The following PABIR3 variants were observed in gnomAD, a reference collection of about 807,000 sequenced individuals.
PABIR3 encodes PABIR family member 3, also known as PABIR family member 1.
A neutral mutation model predicts 23.1 loss-of-function variants in PABIR3; 20 were observed. That is an observed-to-expected ratio of 0.86 (90% CI 0.61 to 1.26). The LOEUF is 1.26. Ranked by LOEUF, PABIR3 falls within the 50% of genes most tolerant of loss-of-function variation. PABIR3 has a pLI of 0.00. For missense variants in PABIR3, 189 were observed against 195.4 expected (o/e 0.97, Z 0.20); for synonymous variants, 69 against 68.5 (o/e 1.01, Z -0.04).
chrX:134,856,831 C>A (rs1461187610), downstream of PABIR3, among the ~76,000 whole-genome samples: 1 of 110,003 alleles, frequency 9.1e-6, no homozygotes, highest in Non-Finnish European at 1.9e-5. Flanking sequence ...GCCAACATGG[C>A]GAAATCCTGT....
At chrX:134,857,780 CTG>C (rs1163799924), downstream of PABIR3, among the ~76,000 whole-genome samples, 2 of 111,257 alleles carry the variant, frequency 1.8e-5, no homozygotes, top group Non-Finnish European at 3.8e-5. Flanking sequence ...TGAAAACTCA[CTG>C]TAGTAATGAG....
At chrX:134,856,889 G>A (rs1466483068), downstream of PABIR3, among the ~76,000 whole-genome samples, 1 of 110,513 alleles carries the variant, frequency 9.0e-6, no homozygotes, top group East Asian at 2.9e-4. Context: ...GCAGGCACCT[G>A]TAATCCCAGC....
Position 134,834,924 on chromosome X carries a change from T to C in PABIR3, c.246+5642T>C, listed in dbSNP as rs987309998. Reference sequence around the variant, plus strand: ...AAAACAGCATTTTCTGCCTGTTTTTTGTTCCATGCCTCTTATTTATTGAAG... The same window carrying C: ...AAAACAGCATTTTCTGCCTGTTTTTCGTTCCATGCCTCTTATTTATTGAAG... On this transcript the variant is annotated intron_variant, in intron 4 of 10. Transcript: ENST00000645433. Among the ~76,000 whole-genome samples, 3 of 112,312 alleles carry C rather than the reference T, an allele frequency of 2.7e-5. No homozygotes were observed. In the Admixed American group the frequency reaches 2.8e-4, roughly 11 times the overall value.
upstream of PABIR3, among the ~76,000 whole-genome samples, chrX:134,804,887 G>C (rs1310280447): frequency 8.9e-6 from 1 of 112,219 alleles, no homozygotes; most frequent in Non-Finnish European, 1.9e-5. Context: ...CAGGTACCCT[G>C]GGAATTTTAA....
intron 1 of PABIR3, among the ~76,000 whole-genome samples, chrX:134,801,701 A>G (rs1371887437): frequency 8.9e-6 from 1 of 111,863 alleles, no homozygotes; most frequent in African/African-American, 3.3e-5. Flanking sequence ...GGGGCTTGCA[A>G]AGCAGCCAAC....
At chrX:134,810,584 C>G (rs1603157260) in intron 2 of PABIR3, 1 of 750,753 alleles carries the variant, frequency 1.3e-6, no homozygotes, top group East Asian at 1.6e-4. Flanking sequence ...AGGGCATAGT[C>G]AGAGAAGTTA....
upstream of PABIR3, among the ~76,000 whole-genome samples, chrX:134,806,264 C>A (rs1245975854): frequency 3.6e-5 from 4 of 112,117 alleles, no homozygotes; most frequent in Non-Finnish European, 7.5e-5. Context: ...TGTAAATTAG[C>A]TGAGGTCTTT....
At chrX:134,828,061 A>C (rs2081599713) in intron 3 of PABIR3, among the ~76,000 whole-genome samples, 1 of 100,240 alleles carries the variant, frequency 1.0e-5, no homozygotes, top group African/African-American at 3.6e-5. Flanking sequence ...ATATATATAT[A>C]TATATATATG....
intron 9 of PABIR3, among the ~76,000 whole-genome samples, chrX:134,852,462 G>A (rs930565239): frequency 3.7e-5 from 4 of 109,151 alleles, no homozygotes; most frequent in African/African-American, 1.4e-4. Flanking sequence ...GTGACAGAGC[G>A]ACTTCTTCAC....
chrX:134,864,131 A>G, the PABIR3 span, among the ~76,000 whole-genome samples: 1 of 109,212 alleles, frequency 9.2e-6, no homozygotes, highest in Non-Finnish European at 1.9e-5. Flanking sequence ...GCTCACTGCA[A>G]CCTCTGCCTC....
the PABIR3 span, among the ~76,000 whole-genome samples, chrX:134,861,142 G>A: frequency 9.0e-6 from 1 of 110,838 alleles, no homozygotes; most frequent in Middle Eastern, 4.6e-3. Flanking sequence ...GGGTGTGGTG[G>A]TGGGTGCCTG....
downstream of PABIR3, among the ~76,000 whole-genome samples, chrX:134,856,873 G>A (rs1194520271): frequency 9.1e-6 from 1 of 110,456 alleles, no homozygotes; most frequent in Non-Finnish European, 1.9e-5. Flanking sequence ...CTAGCTGAGC[G>A]TGGTGGCAGG....
intron 1 of PABIR3, among the ~76,000 whole-genome samples, chrX:134,797,456 A>AT (rs1379702921): frequency 2.7e-5 from 3 of 112,376 alleles, no homozygotes; most frequent in Non-Finnish European, 3.8e-5. Flanking sequence ...TGGGGTTTCC[A>AT]TGTTATTTCA....
chrX:134,841,986 CAAAA>C (rs758172171), intron 4 of PABIR3, among the ~76,000 whole-genome samples: 19 of 111,473 alleles, frequency 1.7e-4, no homozygotes, highest in African/African-American at 6.2e-4. Flanking sequence ...GATCCTGTCT[CAAAA>C]AATATATAAA....
chrX:134,813,359 G>C (rs2080781718), intron 2 of PABIR3, among the ~76,000 whole-genome samples: 1 of 112,251 alleles, frequency 8.9e-6, no homozygotes, highest in African/African-American at 3.2e-5. Context: ...GAGGCGAGGA[G>C]CCCAATTAGA....
At position 134,811,266 on chromosome X, in the gene PABIR3, C is replaced by T. The variant is rs1048667641; in HGVS notation, c.111-3505C>T. 1.9e-4 allele frequency: 92 copies of T among 478,162 alleles called. 1 individual carries two copies. Among genetic ancestry groups the T allele is most frequent in the Non-Finnish European group, 6.4e-5 (25 of 389,236 alleles). 39.4% of individuals were successfully genotyped at this position (478,162 alleles called of 1,213,427 possible). On this transcript the variant is annotated intron_variant, in intron 2 of 10. Coordinates refer to ENST00000645433, the MANE Select transcript of PABIR3 (RefSeq NM_001388447.1). ...CTGGTGTCAATAACTATACTTAAAG[C>T]TAGGAGTTTTTTCTTCTCTTTCTCT...
At position 134,847,982 on chromosome X, in the gene PABIR3, GT is replaced by G; in HGVS notation, c.527+13del. ...GCAACAATACATCATGTAAGTTTAT[GT>G]TATATGAAAATACCAAATTGCTTAT... On this transcript the variant is annotated intron_variant, in intron 8 of 10. Coordinates refer to ENST00000645433, the MANE Select transcript of PABIR3 (RefSeq NM_001388447.1). 1 of 1,116,562 alleles carries G rather than the reference GT, an allele frequency of 9.0e-7. No individual in the cohort carries two copies. Among genetic ancestry groups the G allele is most frequent in the Non-Finnish European group, 1.2e-6 (1 of 838,404 alleles). The allele number at this position is 1,116,562 out of a possible 1,213,427, so 92.0% of individuals were successfully genotyped here.
chrX:134,855,209 T>G (rs773102417), downstream of PABIR3, among the ~76,000 whole-genome samples: 1 of 109,392 alleles, frequency 9.1e-6, no homozygotes, highest in South Asian at 3.9e-4. Context: ...CCAAGGCGGG[T>G]GGATCACAAG....
At chrX:134,853,572 T>A (rs946604640) in intron 10 of PABIR3, among the ~76,000 whole-genome samples, 2 of 111,292 alleles carry the variant, frequency 1.8e-5, no homozygotes, top group African/African-American at 6.5e-5. Flanking sequence ...TAAGAAAGCA[T>A]GTCTTAATGA....
Sources: gnomAD v4.1 joint callset for allele counts (sites outside exome capture counted in the v4.1 genomes callset) on GRCh38, gnomAD v4.1.1 for gene constraint, MANE v1.5 for transcripts, NCBI Gene and HGNC (gene_info 2026-07-23, HGNC 2026-07-21) for gene names.